TPP1: variants seen among roughly 807,000 people sequenced by gnomAD.
TPP1 encodes the protein tripeptidyl-peptidase 1.
Under a neutral mutation model 67.6 loss-of-function variants are expected in TPP1, and 43 were observed. That is an observed-to-expected ratio of 0.64 (90% confidence interval 0.50 to 0.82). The LOEUF (loss-of-function observed/expected upper bound fraction) is 0.82, where lower values mean the gene tolerates loss of function less well. Among genes scored for constraint, TPP1 ranks in the 40% least tolerant of loss-of-function variants. The pLI is 0.00. For synonymous variants in TPP1, 272 were observed against 281.5 expected (o/e 0.97, Z 0.34); for missense variants, 671 against 710.9 (o/e 0.94, Z 0.64).
rs372102190 is a variant in TPP1, at chr11:6,617,732, A to T, written c.274T>A (p.Ser92Thr). The T allele has an allele frequency of 6.2e-7, 1 of 1,614,168 alleles. No homozygotes were observed. Among genetic ancestry groups the T allele is most frequent in the South Asian group, 1.1e-5 (1 of 91,082 alleles). ...LENVADLVRP[S>T]PLTLHTVQKW... ...TGCACCGTGTGGAGGGTCAGTGGGG[A>T]TGGCCTCACCAGATCAGCCACATTC... The change falls in exon 4 of 13, where the codon TCC becomes ACC. Residue 92 changes from serine to threonine, a missense_variant. By Grantham distance (58) the Ser-to-Thr change is moderately conservative (BLOSUM62 1). Transcript: ENST00000299427.
intron 3 of TPP1, 34 bp from the exon 4 acceptor site, chr11:6,617,810 T>C (rs1264973811): frequency 3.1e-6 from 5 of 1,614,038 alleles, no homozygotes; most frequent in Non-Finnish European, 4.2e-6. Context: ...TTGCCCTCAT[T>C]CATTGCTTTC....
At chr11:6,615,109 TC>T in intron 11 of TPP1, 61 bp downstream of exon 11, 1 of 1,613,928 alleles carries the variant, frequency 6.2e-7, no homozygotes. Flanking sequence ...TGCAAGGTGT[TC>T]AAGGTGTTAG....
Position 6,614,959 on chromosome 11 carries a change from G to A in TPP1, c.1458C>T (p.Ser486=). 1 of 1,614,144 alleles carries A rather than the reference G, an allele frequency of 6.2e-7. No individual in the cohort carries two copies. The highest frequency in any genetic ancestry group is 8.5e-7 in the Non-Finnish European group (1 of 1,180,034). ...TAAGGATCCTGTGCTCATTGATCAA[G>A]GATAGGATCCCCCCAAACACTGGAG... ...ASTPVFGGIL[S]LINEHRILSG... The change falls in exon 12 of 13, where the codon TCC becomes TCT. Residue 486 remains serine (S), a synonymous_variant. Transcript: ENST00000299427.
intron 11 of TPP1, 29 bp downstream of exon 11, chr11:6,615,142 T>C: frequency 6.2e-7 from 1 of 1,613,780 alleles, no homozygotes; most frequent in Non-Finnish European, 8.5e-7. Context: ...AGTTCCTGAG[T>C]GAGAGTTTGG....
intron 3 of TPP1, 48 bp downstream of exon 3, chr11:6,618,728 G>A (rs765834654): frequency 1.9e-6 from 3 of 1,610,454 alleles, no homozygotes; most frequent in Non-Finnish European, 2.5e-6. Context: ...ACCCAGCCCT[G>A]TGTCCCTCCA....
rs765015698 is a variant in TPP1, at chr11:6,616,484, C to A, written c.906G>T (p.Glu302Asp). The A allele has an allele frequency of 1.2e-6, 2 of 1,606,766 alleles. No individual in the cohort carries two copies. Among genetic ancestry groups the A allele is most frequent in the South Asian group, 1.1e-5 (1 of 90,854 alleles). Residue 302 changes from glutamate (E) to aspartate (D), a missense_variant, in exon 8 of 13, where the codon GAG (glutamate) becomes GAT (aspartate). Transcript: ENST00000299427. Reference sequence around the variant, plus strand: ...GCAGCATGAGCCACTGCAGGAAGGGCTCCTGTCCCTCATGCCGGCCTGGAT... The same window carrying A: ...GCAGCATGAGCCACTGCAGGAAGGGATCCTGTCCCTCATGCCGGCCTGGAT... Reference protein sequence around the residue: ...YSSPGRHEGQEPFLQWLMLLS... With the variant: ...YSSPGRHEGQDPFLQWLMLLS...
intron 9 of TPP1, 117 bp from the exon 10 acceptor site, chr11:6,615,679 A>C (rs1472951929): frequency 7.5e-7 from 1 of 1,340,444 alleles, no homozygotes. Context: ...GTGGGGAAGC[A>C]TGTATATGGG....
rs1855627061 is a variant in TPP1, at chr11:6,618,890, CCA to C, written c.113_114del (p.Leu38ArgfsTer6). The C allele has an allele frequency of 6.2e-7, 1 of 1,613,564 alleles. No individual in the cohort carries two copies. The highest frequency in any genetic ancestry group is 8.5e-7 in the Non-Finnish European group (1 of 1,180,044). ...RRTLPPGWVS[L>X]GRADPEEELS... ...AGCTCTTCCTCAGGGTCCGCACGGC[CCA>C]GGGACACCCAGCCTGGGGGCAGCCT... On this transcript the variant is annotated frameshift_variant, in exon 3 of 13. Coordinates refer to ENST00000299427, the MANE Select transcript of TPP1 (RefSeq NM_000391.4). LOFTEE classifies it high-confidence loss of function.
chr11:6,615,022 G>A (rs768310378), intron 11 of TPP1, 31 bp from the exon 12 acceptor site: 3 of 1,614,150 alleles, frequency 1.9e-6, no homozygotes, highest in Middle Eastern at 1.6e-4. Context: ...GTAGAGGTCA[G>A]GGGTTCTGAG....
In TPP1 at chr11:6,617,685, T is replaced by C. The variant is rs776434116; in HGVS notation, c.321A>G (p.Gly107=). Residue 107 remains glycine (G), a synonymous_variant, in exon 4 of 13, where the codon GGA becomes GGG. Coordinates refer to ENST00000299427, the MANE Select transcript of TPP1 (RefSeq NM_000391.4). ...HTVQKWLLAA[G]AQKCHSVITQ... ...TGATCACAGAATGGCACTTCTGGGC[T>C]CCGGCTGCCAAGAGCCATTTTTGCA... The C allele has an allele frequency of 6.2e-7, 1 of 1,614,084 alleles. No individual in the cohort carries two copies. Among genetic ancestry groups the C allele is most frequent in the East Asian group, 2.2e-5 (1 of 44,900 alleles).
At position 6,619,411 on chromosome 11, in the gene TPP1, C is replaced by T. The variant is rs1392712789; in HGVS notation, c.-11G>A. On this transcript the variant is annotated 5_prime_UTR_variant, in exon 1 of 13. Coordinates refer to ENST00000299427, the MANE Select transcript of TPP1 (RefSeq NM_000391.4). Reference sequence around the variant, plus strand: ...GGCTTGGAGTCCCATTCTGCCCTTCCGCGGATCTGCTGTCATGTGACGGAT... The same window carrying T: ...GGCTTGGAGTCCCATTCTGCCCTTCTGCGGATCTGCTGTCATGTGACGGAT... 1.2e-6 allele frequency: 2 copies of T among 1,614,212 alleles called. No homozygotes were observed. The highest frequency in any genetic ancestry group is 4.5e-5 in the East Asian group (2 of 44,890).
In TPP1 at chr11:6,613,949, T is replaced by G. The variant is rs1315421546; in HGVS notation, c.*597A>C. On this transcript the variant is annotated 3_prime_UTR_variant, in exon 13 of 13. Transcript: ENST00000299427. ...TTGTTCCAGGGGACAATGAGTAAACTGAGAAGAGCAAAAATCTACAAATGG... is the reference window on the plus strand; with the variant it reads ...TTGTTCCAGGGGACAATGAGTAAACGGAGAAGAGCAAAAATCTACAAATGG... The G allele has an allele frequency of 1.3e-5, 2 of 158,032 alleles. No individual in the cohort carries two copies. The highest frequency in any genetic ancestry group is 2.4e-5 in the African/African-American group (1 of 41,416). 9.8% of individuals were successfully genotyped at this position (158,032 alleles called of 1,614,324 possible).
chr11:6,616,848 C>T lies in TPP1; in HGVS notation c.699G>A (p.Gln233=). The change falls in exon 7 of 13, where the codon CAG becomes CAA. Residue 233 remains glutamine (Q), a synonymous_variant. Coordinates refer to ENST00000299427, the MANE Select transcript of TPP1 (RefSeq NM_000391.4). ...GAGCCAGGTCTGAGTCATGGAAATA[C>T]TGCTCCAGGAACTATGGAGGGAGTC... ...NSQACAQFLE[Q]YFHDSDLAQF... 6.2e-7 allele frequency: 1 copy of T among 1,613,880 alleles called. No individual in the cohort carries two copies. Among genetic ancestry groups the T allele is most frequent in the Non-Finnish European group, 8.5e-7 (1 of 1,180,014 alleles).
rs748389153 is a variant in TPP1, at chr11:6,617,098, C to T, written c.564G>A (p.Pro188=). 17 of 1,614,014 alleles carry T rather than the reference C, an allele frequency of 1.1e-5. No homozygotes were observed. The highest frequency in any genetic ancestry group is 1.4e-5 in the Non-Finnish European group (16 of 1,180,018). The change falls in exon 6 of 13, where the codon CCG becomes CCA. Residue 188 remains proline, a synonymous_variant. Transcript: ENST00000299427. ...GCAGGCCTACAGTCCCTGTCACCTGCGGCTCAGGACGTTGCCTCAGGGATG... is the reference window on the plus strand; with the variant it reads ...GCAGGCCTACAGTCCCTGTCACCTGTGGCTCAGGACGTTGCCTCAGGGATG... ...PTSSLRQRPE[P]QVTGTVGLHL... is the part of the protein sequence containing the mutation.
intron 7 of TPP1, 69 bp downstream of exon 7, chr11:6,616,592 C>T: frequency 6.2e-7 from 1 of 1,611,110 alleles, no homozygotes; most frequent in South Asian, 1.1e-5. Flanking sequence ...TATAGCATTC[C>T]CTTGAGGGAG....
In TPP1 at chr11:6,615,293, G is replaced by T. The variant is rs755829911; in HGVS notation, c.1303C>A (p.His435Asn). The T allele has an allele frequency of 3.7e-6, 6 of 1,614,080 alleles. No individual in the cohort carries two copies. The highest frequency in any genetic ancestry group is 1.3e-5 in the African/African-American group (1 of 74,908). ...TTGAAGTAACTGGATGGTGGCAGGT[G>T]GGGGCTAGAGCTCAGGAACTTCGTT... is the stretch of plus-strand genomic sequence containing the variant. ...AVTKFLSSSP[H>N]LPPSSYFNAS... Residue 435 changes from histidine to asparagine, a missense_variant, in exon 11 of 13, where the codon CAC becomes AAC. By Grantham distance (68) the His-to-Asn change is moderately conservative. Transcript: ENST00000299427.
rs368345241 is a variant in TPP1 at position 6,614,534 on chromosome 11, G to T, written c.*12C>A. 85 of 1,614,060 alleles carry T rather than the reference G, an allele frequency of 5.3e-5. No homozygotes were observed. The South Asian group carries it at 6.8e-4, about 13-fold the overall frequency. ...GGGCAGGGGACAAGCCATCTCTCCT[G>T]ATAGGAAAGGGTCAGGGGTTGAGTA... On this transcript the variant is annotated 3_prime_UTR_variant, in exon 13 of 13. Coordinates refer to ENST00000299427, the MANE Select transcript of TPP1 (RefSeq NM_000391.4).
chr11:6,618,391 A>G, intron 3 of TPP1: 1 of 430,618 alleles, frequency 2.3e-6, no homozygotes, highest in Admixed American at 3.9e-5. Context: ...TCAGCTGGGG[A>G]GCTGGGCAGT....
At position 6,617,448 on chromosome 11, in the gene TPP1, G is replaced by A. The variant is rs1410018709; in HGVS notation, c.381-20C>T. The A allele has an allele frequency of 6.2e-7, 1 of 1,614,106 alleles. No homozygotes were observed. On this transcript the variant is annotated intron_variant, in intron 4 of 12. Transcript: ENST00000299427. ...GCTTGTCTGGAGGTCAGAGAACAGA[G>A]GTCAGAAAGCTCAAAACGGAACAGA...
Sources: allele counts gnomAD v4.1 joint callset, GRCh38; gene constraint gnomAD v4.1.1; transcripts MANE v1.5; gene names NCBI Gene and HGNC (gene_info 2026-07-23, HGNC 2026-07-21).